The following ST14 variants were observed in gnomAD, a reference collection of about 807,000 sequenced individuals.
The protein encoded by ST14 is ST14 transmembrane serine protease matriptase, also known as suppressor of tumorigenicity 14 protein.
In ST14, 40 loss-of-function variants were observed where a neutral mutation model predicts 96.5. The ratio of observed to expected loss-of-function variants is 0.41; its 90% CI spans 0.32 to 0.54. The LOEUF (loss-of-function observed/expected upper bound fraction) is 0.54, where lower values mean the gene tolerates loss of function less well. Among genes scored for constraint, ST14 ranks in the 20% least tolerant of loss-of-function variants. ST14 has a pLI of 0.17. For synonymous variants in ST14, 506 were observed against 492.1 expected, an observed-to-expected ratio of 1.03 and a Z score of -0.37; for missense variants, 1,066 against 1,188.9, an observed-to-expected ratio of 0.90 and a Z score of 1.52.
At chr11:130,168,604 G>A (rs950856912) in intron 1 of ST14, among the ~76,000 whole-genome samples, 6 of 152,156 alleles carry the variant, frequency 3.9e-5, no homozygotes, top group East Asian at 1.9e-4. Flanking sequence ...GGATGGTCTC[G>A]CGAGGATGAG....
intron 1 of ST14, among the ~76,000 whole-genome samples, chr11:130,184,862 C>T (rs968118344): frequency 6.6e-6 from 1 of 152,210 alleles, no homozygotes; most frequent in Non-Finnish European, 1.5e-5. Context: ...GGGTTTAAAT[C>T]ACTCCAGCCA....
chr11:130,209,641 G>A (rs745721367), intron 18 of ST14, 21 bp from the exon 19 acceptor site: 17 of 1,590,568 alleles, frequency 1.1e-5, no homozygotes, highest in Non-Finnish European at 1.5e-5. Context: ...GGGACTCACG[G>A]CAGGGCTTGT....
intron 1 of ST14, among the ~76,000 whole-genome samples, chr11:130,160,328 A>C (rs948100668): frequency 1.6e-4 from 24 of 151,730 alleles, no homozygotes; most frequent in Non-Finnish European, 2.9e-4. Flanking sequence ...CCCTGAGTTG[A>C]AAAAAGGGGC....
At position 130,170,231 on chromosome 11, in the gene ST14, C is replaced by A. The variant is rs143759980; in HGVS notation, c.81+10171C>A. On this transcript the variant is annotated intron_variant, in intron 1 of 18. Coordinates refer to ENST00000278742, the MANE Select transcript of ST14 (RefSeq NM_021978.4). Reference sequence around the variant, plus strand: ...AGAGCCTGGGGGACTGTCAGCAGAGCCCTGAGGTGTGGACTGAGTATTTTT... The same window carrying A: ...AGAGCCTGGGGGACTGTCAGCAGAGACCTGAGGTGTGGACTGAGTATTTTT... Among the ~76,000 whole-genome samples the A allele has an allele frequency of 4.8e-4, 73 of 152,214 alleles. No homozygotes were observed. In the East Asian group the frequency reaches 5.0e-3, roughly 10 times the overall value.
intron 16 of ST14, among the ~76,000 whole-genome samples, chr11:130,200,730 C>G (rs1953418881): frequency 6.6e-6 from 1 of 152,236 alleles, no homozygotes; most frequent in Admixed American, 6.5e-5. Context: ...CAAGTGCTGT[C>G]TCTGTGCCTC....
intron 1 of ST14, among the ~76,000 whole-genome samples, chr11:130,164,746 T>C (rs1382320512): frequency 6.7e-6 from 1 of 148,394 alleles, no homozygotes; most frequent in Non-Finnish European, 1.5e-5. Context: ...ATTATTATTA[T>C]TATTATTTTG....
intron 4 of ST14, chr11:130,189,263 T>C: frequency 2.0e-6 from 1 of 507,510 alleles, no homozygotes; most frequent in Non-Finnish European, 3.6e-6. Context: ...CAGCCTTCAA[T>C]GAGCCCCCAC....
At position 130,188,276 on chromosome 11, in the gene ST14, G is replaced by A; in HGVS notation, c.241+3G>A. The A allele has an allele frequency of 2.5e-6, 4 of 1,612,134 alleles. No homozygotes were observed. Among genetic ancestry groups the A allele is most frequent in the Non-Finnish European group, 3.4e-6 (4 of 1,178,574 alleles). Reference sequence around the variant, plus strand: ...CTTCCTGGTGTGGCATTTGCAGTGTGAGTAAAGCTGGGGCTGGCTCCGGGG... The same window carrying A: ...CTTCCTGGTGTGGCATTTGCAGTGTAAGTAAAGCTGGGGCTGGCTCCGGGG... On this transcript the variant is annotated splice_donor_region_variant and intron_variant, in intron 2 of 18. Transcript: ENST00000278742. The surrounding 1 kb of genome is among the most constrained non-coding windows in gnomAD (Gnocchi z 5.4).
rs752983041 is a variant in ST14 at position 130,196,457 on chromosome 11, C to A, written c.1223+9C>A. 1 of 1,603,352 alleles carries A rather than the reference C, an allele frequency of 6.2e-7. No individual in the cohort carries two copies. Among genetic ancestry groups the A allele is most frequent in the South Asian group, 1.1e-5 (1 of 89,670 alleles). ...GAGATCAACGGGGAGAAGTGAGTCC[C>A]CGGGGGTATGGGGGCTGCCGGGCCC... On this transcript the variant is annotated intron_variant, in intron 10 of 18. Transcript: ENST00000278742.
intron 1 of ST14, among the ~76,000 whole-genome samples, chr11:130,169,870 C>T (rs1176510970): frequency 6.6e-6 from 1 of 152,156 alleles, no homozygotes; most frequent in Non-Finnish European, 1.5e-5. Context: ...CTGGCTGCAC[C>T]TCTTGTTTCT....
chr11:130,208,329 C>A, intron 16 of ST14, 81 bp from the exon 17 acceptor site: 1 of 1,598,102 alleles, frequency 6.3e-7, no homozygotes, highest in Admixed American at 1.7e-5. Context: ...CATGCGGAAT[C>A]CTCTGGGAAC....
intron 8 of ST14, 66 bp from the exon 9 acceptor site, chr11:130,194,574 C>A: frequency 2.0e-6 from 3 of 1,521,814 alleles, no homozygotes; most frequent in Non-Finnish European, 2.7e-6. Flanking sequence ...GGCTGCAGAG[C>A]CCTCGTCCGC....
intron 4 of ST14, chr11:130,189,469 C>T: frequency 1.8e-6 from 1 of 551,916 alleles, no homozygotes; most frequent in Non-Finnish European, 3.2e-6. Context: ...TGTGGCCAAA[C>T]TCCAATGGGT....
chr11:130,193,627 G>C (rs898661986), intron 7 of ST14, among the ~76,000 whole-genome samples: 1 of 152,106 alleles, frequency 6.6e-6, no homozygotes, highest in Non-Finnish European at 1.5e-5. Context: ...GCACCGTGAT[G>C]CCCAGCTAAT....
Position 130,198,323 on chromosome 11 carries a change from A to G in ST14, c.1475A>G (p.His492Arg). Residue 492 changes from histidine (H) to arginine (R), a missense_variant, in exon 13 of 19, where the codon CAC (histidine) becomes CGC (arginine). By Grantham distance (29) the His-to-Arg change is conservative (BLOSUM62 0). Transcript: ENST00000278742. ...CCCACTCCAGGTTGCGACGCCGGCC[A>G]CCAGTTCACGTGCAAGAACAAGTTC... ...DELNCSCDAG[H>R]QFTCKNKFCK... The G allele has an allele frequency of 6.2e-7, 1 of 1,614,046 alleles. No individual in the cohort carries two copies. The highest frequency in any genetic ancestry group is 1.1e-5 in the South Asian group (1 of 91,074).
intron 1 of ST14, among the ~76,000 whole-genome samples, chr11:130,163,875 G>C (rs140809600): frequency 6.6e-6 from 1 of 152,320 alleles, no homozygotes; most frequent in East Asian, 1.9e-4. Context: ...GGACCTGCTC[G>C]AGCCGACTTG....
chr11:130,177,456 G>C (rs989450505), intron 1 of ST14, among the ~76,000 whole-genome samples: 3 of 152,076 alleles, frequency 2.0e-5, no homozygotes, highest in Non-Finnish European at 2.9e-5. Context: ...CCAGCTACTC[G>C]GGAGGCTGAG....
At chr11:130,164,671 A>C (rs761363854) in intron 1 of ST14, among the ~76,000 whole-genome samples, 13 of 151,054 alleles carry the variant, frequency 8.6e-5, no homozygotes, top group Non-Finnish European at 1.8e-4. Flanking sequence ...TGCCCACCTC[A>C]GCCTCCAAAA....
Position 130,188,429 on chromosome 11 carries a change from C to T in ST14, c.242-101C>T. On this transcript the variant is annotated intron_variant, in intron 2 of 18. Transcript: ENST00000278742. This position sits in a 1 kb window ranked among gnomAD's most constrained non-coding sequence, Gnocchi z 5.4. ...AGTGATGGGAAGCAGTCAGGGCTGA[C>T]CCATGGCCCCCTCCTGGCATTCATT... The T allele has an allele frequency of 6.2e-7, 1 of 1,601,782 alleles. No individual in the cohort carries two copies. Among genetic ancestry groups the T allele is most frequent in the Non-Finnish European group, 8.5e-7 (1 of 1,174,570 alleles).
Sources: allele counts gnomAD v4.1 joint callset (sites outside exome capture counted in the v4.1 genomes callset), GRCh38; gene constraint gnomAD v4.1.1; non-coding constraint Gnocchi (gnomAD v3.1); transcripts MANE v1.5; gene names NCBI Gene and HGNC (gene_info 2026-07-23, HGNC 2026-07-21).